RNF169: variants seen among roughly 807,000 people sequenced by gnomAD.
RNF169 encodes the protein ring finger protein 169.
A neutral mutation model predicts 53.9 loss-of-function variants in RNF169; 24 were observed. That is an observed-to-expected ratio of 0.45 (90% confidence interval 0.32 to 0.63). The LOEUF (loss-of-function observed/expected upper bound fraction) is 0.63, where lower values mean the gene tolerates loss of function less well. Among genes scored for constraint, RNF169 ranks in the 20% least tolerant of loss-of-function variants. RNF169 has a pLI of 0.04. For missense variants in RNF169, 883 were observed against 906.2 expected (o/e 0.97, Z 0.33); for synonymous variants, 396 against 363.5 (o/e 1.09, Z -1.02).
At position 74,785,456 on chromosome 11, in the gene RNF169, AT is replaced by A. The variant is rs199680589; in HGVS notation, c.503-4160del. Among the ~76,000 whole-genome samples, 436 of 147,908 alleles carry A rather than the reference AT, an allele frequency of 2.9e-3. 2 individuals carry two copies. Among genetic ancestry groups the A allele is most frequent in the African/African-American group, 9.5e-3 (382 of 40,330 alleles). On this transcript the variant is annotated intron_variant, in intron 1 of 5. Transcript: ENST00000299563. ...GCAAGCCCACAAAAAAAAAGTGAGG[AT>A]TTTTTTTTTCCTTCTTAGCATTTTT... is the stretch of plus-strand genomic sequence containing the variant.
At chr11:74,765,806 C>CAAAAAAAAAAAAAAAAAAAAAA (rs35483204) in intron 1 of RNF169, among the ~76,000 whole-genome samples, 1 of 108,978 alleles carries the variant, frequency 9.2e-6, no homozygotes, top group Non-Finnish European at 1.9e-5. Context: ...GGCAACATCT[C>CAAAAAAAAAAAAAAAAAAAAAA]AAAAAAAAAA....
At position 74,797,558 on chromosome 11, in the gene RNF169, A is replaced by G. The variant is rs2035667534; in HGVS notation, c.576+7859A>G. ...CACTGTGTCTAATATAATATCTTGC[A>G]CATAGCTCTTCACCAAGTACTTATC... On this transcript the variant is annotated intron_variant, in intron 2 of 5. Coordinates refer to ENST00000299563, the MANE Select transcript of RNF169 (RefSeq NM_001098638.2). Among the ~76,000 whole-genome samples the G allele has an allele frequency of 1.3e-5, 2 of 152,228 alleles. 1 individual carries two copies. Among genetic ancestry groups the G allele is most frequent in the South Asian group, 4.1e-4 (2 of 4,834 alleles).
At chr11:74,750,682 C>G (rs35511245) in intron 1 of RNF169, among the ~76,000 whole-genome samples, 1 of 139,062 alleles carries the variant, frequency 7.2e-6, no homozygotes, top group African/African-American at 2.7e-5. Flanking sequence ...ACTGCAGCCT[C>G]TGTGCACCAC....
chr11:74,814,489 CT>C (rs1461233988), intron 3 of RNF169, among the ~76,000 whole-genome samples: 2 of 149,348 alleles, frequency 1.3e-5, no homozygotes, highest in African/African-American at 2.5e-5. Context: ...TCAAGCGATC[CT>C]TTTACTTCAG....
rs373678324 is a variant in RNF169 at position 74,764,466 on chromosome 11, A to G, written c.502+15084A>G. 4.2e-4 allele frequency among the ~76,000 whole-genome samples: 64 copies of G among 152,336 alleles called. 1 individual carries two copies. In the South Asian group the frequency reaches 7.7e-3, roughly 18 times the overall value. Reference sequence around the variant, plus strand: ...GCTGAACCCAGGAGGCGGTGAGCCAAAATCCTACCATTGCACTCCAGCTTG... The same window carrying G: ...GCTGAACCCAGGAGGCGGTGAGCCAGAATCCTACCATTGCACTCCAGCTTG... On this transcript the variant is annotated intron_variant, in intron 1 of 5. Transcript: ENST00000299563.
chr11:74,774,539 A>T (rs1404168971), intron 1 of RNF169, among the ~76,000 whole-genome samples: 2 of 152,162 alleles, frequency 1.3e-5, no homozygotes, highest in African/African-American at 4.8e-5. Flanking sequence ...TTGTGCTTAT[A>T]TTGTATACCT....
chr11:74,835,379 T>TTA (rs2135154121), intron 5 of RNF169, among the ~76,000 whole-genome samples, 167 bp from the exon 6 acceptor site: 1 of 152,314 alleles, frequency 6.6e-6, no homozygotes, highest in East Asian at 1.9e-4. Context: ...TTCTGCTAAA[T>TTA]GGTATGCTTT....
At chr11:74,755,313 A>T (rs2034965037) in intron 1 of RNF169, among the ~76,000 whole-genome samples, 1 of 152,254 alleles carries the variant, frequency 6.6e-6, no homozygotes, top group Admixed American at 6.5e-5. Flanking sequence ...AGAATTGAAC[A>T]GCAGGAATTT....
At position 74,771,139 on chromosome 11, in the gene RNF169, A is replaced by G. The variant is rs202188453; in HGVS notation, c.503-18487A>G. The stretch of plus-strand genomic sequence containing the variant: ...TGCATTTTTGATACTTAGTCATACT[A>G]ACATTAAGGTTACTGGTTGGGGAAA... On this transcript the variant is annotated intron_variant, in intron 1 of 5. Coordinates refer to ENST00000299563, the MANE Select transcript of RNF169 (RefSeq NM_001098638.2). Among the ~76,000 whole-genome samples, 4 of 152,046 alleles carry G rather than the reference A, an allele frequency of 2.6e-5. No individual in the cohort carries two copies. In the East Asian group the frequency reaches 7.7e-4, roughly 29 times the overall value.
At chr11:74,751,458 A>G (rs2034894317) in intron 1 of RNF169, among the ~76,000 whole-genome samples, 1 of 152,234 alleles carries the variant, frequency 6.6e-6, no homozygotes, top group Non-Finnish European at 1.5e-5. Flanking sequence ...ATGGCCACAT[A>G]GGATAGAAAT....
intron 2 of RNF169, chr11:74,807,750 T>C (rs954712922): frequency 2.0e-5 from 3 of 152,174 alleles, no homozygotes; most frequent in African/African-American, 7.2e-5. Flanking sequence ...GCAATTGATA[T>C]TTTTTATTCA....
intron 2 of RNF169, among the ~76,000 whole-genome samples, chr11:74,791,127 A>C (rs2035573289): frequency 6.6e-6 from 1 of 152,180 alleles, no homozygotes; most frequent in South Asian, 2.1e-4. Context: ...TTCCACAGGC[A>C]GGTCGTCCGG....
chr11:74,836,464 G>A lies in RNF169; in HGVS notation c.1861G>A (p.Gly621Ser). 6.2e-7 allele frequency: 1 copy of A among 1,614,210 alleles called. No homozygotes were observed. The highest frequency in any genetic ancestry group is 8.5e-7 in the Non-Finnish European group (1 of 1,180,042). ...AGAGCCACTTCCTTCTTTGCGTCGA[G>A]GCCGGAAAAGACACTGCAAGACCAA... ...SEEPLPSLRR[G>S]RKRHCKTKHL... The change falls in exon 6 of 6, where the codon GGC becomes AGC. Residue 621 changes from glycine (G) to serine (S), a missense_variant. By Grantham distance (56) the Gly-to-Ser change is moderately conservative. Coordinates refer to ENST00000299563, the MANE Select transcript of RNF169 (RefSeq NM_001098638.2).
At chr11:74,829,126 A>C (rs2036139593) in intron 4 of RNF169, among the ~76,000 whole-genome samples, 1 of 152,232 alleles carries the variant, frequency 6.6e-6, no homozygotes. Context: ...AGCATCTACA[A>C]GGAACTTAAA....
chr11:74,835,482 G>A, intron 5 of RNF169, 64 bp from the exon 6 acceptor site: 2 of 1,251,894 alleles, frequency 1.6e-6, no homozygotes, highest in South Asian at 2.7e-5. Context: ...CATCATAAAG[G>A]AATGATGAAG....
intron 1 of RNF169, among the ~76,000 whole-genome samples, chr11:74,779,729 A>G (rs1005396818): frequency 2.0e-5 from 3 of 152,164 alleles, no homozygotes; most frequent in East Asian, 3.8e-4. Flanking sequence ...TCACTCCTGT[A>G]TTTCTACCTT....
intron 1 of RNF169, among the ~76,000 whole-genome samples, chr11:74,765,405 C>T (rs115033423): frequency 3.9e-5 from 6 of 152,118 alleles, no homozygotes; most frequent in South Asian, 2.1e-4. Flanking sequence ...CTTATCTGAC[C>T]GTAGTATAAT....
At chr11:74,819,664 T>C (rs974160696) in intron 4 of RNF169, among the ~76,000 whole-genome samples, 6 of 152,202 alleles carry the variant, frequency 3.9e-5, no homozygotes, top group Non-Finnish European at 8.8e-5. Context: ...GGGAGGGCTC[T>C]AGGAGCTTAG....
chr11:74,821,765 G>A (rs1175745531), intron 4 of RNF169, among the ~76,000 whole-genome samples: 2 of 152,148 alleles, frequency 1.3e-5, no homozygotes, highest in East Asian at 3.8e-4. Flanking sequence ...AGGAAGTGGG[G>A]TTTGAGGTGA....
Sources: allele counts gnomAD v4.1 joint callset (sites outside exome capture counted in the v4.1 genomes callset), GRCh38; gene constraint gnomAD v4.1.1; transcripts MANE v1.5; gene names NCBI Gene and HGNC (gene_info 2026-07-23, HGNC 2026-07-21).